PIBF1: variants seen among roughly 807,000 people sequenced by gnomAD.
PIBF1 encodes the protein progesterone-induced-blocking factor 1.
In PIBF1, 90 loss-of-function variants were observed where a neutral mutation model predicts 112.5. That is an observed-to-expected ratio of 0.80 (90% CI 0.67 to 0.95). The LOEUF is 0.95. Ranked by LOEUF, PIBF1 falls within the 40% of genes least tolerant of loss-of-function variation. The pLI is 0.00. For synonymous variants in PIBF1, 301 were observed against 288.6 expected (o/e 1.04, Z -0.44); for missense variants, 915 against 852.3 (o/e 1.07, Z -0.92).
chr13:72,790,170 G>A (rs1340507042), intron 2 of PIBF1, among the ~76,000 whole-genome samples: 2 of 152,052 alleles, frequency 1.3e-5, no homozygotes, highest in Non-Finnish European at 2.9e-5. Context: ...GCAAAGTTTA[G>A]CAGTTAAGAG....
intron 5 of PIBF1, among the ~76,000 whole-genome samples, chr13:72,811,148 C>T (rs1024730127): frequency 6.6e-6 from 1 of 152,184 alleles, no homozygotes; most frequent in African/African-American, 2.4e-5. Flanking sequence ...GCGTGAGCCA[C>T]CGCACCCAGC....
In PIBF1 at chr13:72,917,073, C is replaced by T. The variant is rs1367706121; in HGVS notation, c.1640-3C>T. ...TCACATTATACACTTTAATATTTTC[C>T]AGTTGAAAATGAAGATGAGGCTGAA... is the stretch of plus-strand genomic sequence containing the variant. On this transcript the variant is annotated splice_region_variant and splice_polypyrimidine_tract_variant and intron_variant, in intron 12 of 17. Coordinates refer to ENST00000326291, the MANE Select transcript of PIBF1 (RefSeq NM_006346.4). The T allele has an allele frequency of 3.2e-6, 5 of 1,550,144 alleles. No individual in the cohort carries two copies. The highest frequency in any genetic ancestry group is 1.2e-5 in the South Asian group (1 of 83,664).
intron 17 of PIBF1, among the ~76,000 whole-genome samples, chr13:73,000,112 A>G (rs1211666903): frequency 1.3e-5 from 2 of 152,232 alleles, no homozygotes; most frequent in Non-Finnish European, 2.9e-5. Context: ...GACTAAGCTG[A>G]CAGGCGGGAG....
At chr13:72,937,440 C>T (rs1179373044) in intron 14 of PIBF1, among the ~76,000 whole-genome samples, 1 of 152,110 alleles carries the variant, frequency 6.6e-6, no homozygotes, top group African/African-American at 2.4e-5. Flanking sequence ...TCTATTTGTT[C>T]CCCCAGCCTT....
chr13:72,795,456 G>A lies in PIBF1; in HGVS notation c.451G>A (p.Asp151Asn). 3.1e-6 allele frequency: 5 copies of A among 1,610,316 alleles called. No homozygotes were observed. The highest frequency in any genetic ancestry group is 4.2e-6 in the Non-Finnish European group (5 of 1,178,082). The change falls in exon 4 of 18, where the codon GAT becomes AAT. Residue 151 changes from aspartate (D) to asparagine (N), a missense_variant. Transcript: ENST00000326291. Reference protein sequence around the residue: ...TNLQLREKAGDVRRNLRDFEL... With the variant: ...TNLQLREKAGNVRRNLRDFEL... ...TCTTCAGCTAAGAGAAAAAGCTGGA[G>A]ATGTTCGTCGAAACCTGCGTGACTT...
intron 14 of PIBF1, among the ~76,000 whole-genome samples, chr13:72,958,103 G>T (rs1380408726): frequency 6.6e-6 from 1 of 151,860 alleles, no homozygotes; most frequent in Non-Finnish European, 1.5e-5. Flanking sequence ...CTGGGCAACA[G>T]AGTAAGACCT....
intron 5 of PIBF1, among the ~76,000 whole-genome samples, chr13:72,801,919 A>G (rs1193658538): frequency 1.3e-5 from 2 of 152,204 alleles, no homozygotes; most frequent in Non-Finnish European, 2.9e-5. Flanking sequence ...TTTTGGAGAG[A>G]CCATTAATTT....
At chr13:72,840,259 ACTT>A (rs2037547789) in intron 9 of PIBF1, among the ~76,000 whole-genome samples, 1 of 152,212 alleles carries the variant, frequency 6.6e-6, no homozygotes, top group Non-Finnish European at 1.5e-5. Context: ...ATTATAAATT[ACTT>A]CTTTTGAAAT....
At chr13:72,976,731 A>AC (rs2043031508) in intron 16 of PIBF1, among the ~76,000 whole-genome samples, 1 of 152,126 alleles carries the variant, frequency 6.6e-6, no homozygotes, top group Non-Finnish European at 1.5e-5. Context: ...AGCTGGTGTG[A>AC]CCCCCTAGAA....
intron 10 of PIBF1, among the ~76,000 whole-genome samples, chr13:72,865,641 T>C (rs1049530201): frequency 1.3e-5 from 2 of 152,208 alleles, no homozygotes; most frequent in Non-Finnish European, 2.9e-5. Flanking sequence ...ATTGCATTCA[T>C]TTTGCAAATG....
chr13:72,889,539 ATTAG>A (rs1002527025), intron 10 of PIBF1, among the ~76,000 whole-genome samples: 7 of 152,152 alleles, frequency 4.6e-5, no homozygotes, highest in Admixed American at 3.9e-4. Flanking sequence ...GTGCTTTGTT[ATTAG>A]TTAATTTGCC....
intron 16 of PIBF1, among the ~76,000 whole-genome samples, chr13:72,988,567 T>G (rs1027917111): frequency 3.3e-5 from 5 of 152,232 alleles, no homozygotes; most frequent in African/African-American, 1.2e-4. Context: ...ACATTATATT[T>G]GCTTTAATAG....
At chr13:72,876,896 A>T (rs562609044) in intron 10 of PIBF1, among the ~76,000 whole-genome samples, 1 of 152,082 alleles carries the variant, frequency 6.6e-6, no homozygotes, top group South Asian at 2.1e-4. Context: ...TTCCCAATCT[A>T]TATACTTTTT....
chr13:72,812,218 C>T (rs1293975196), intron 5 of PIBF1, among the ~76,000 whole-genome samples: 1 of 152,056 alleles, frequency 6.6e-6, no homozygotes, highest in African/African-American at 2.4e-5. Context: ...TGTTTCTAAG[C>T]CAGATTCCAC....
chr13:72,933,352 C>G (rs1199787234), intron 14 of PIBF1, among the ~76,000 whole-genome samples: 1 of 152,142 alleles, frequency 6.6e-6, no homozygotes, highest in Non-Finnish European at 1.5e-5. Context: ...GGCTACAAAG[C>G]AAGATCCACC....
At position 72,893,313 on chromosome 13, in the gene PIBF1, AT is replaced by A. The variant is rs141230560; in HGVS notation, c.1323-470del. On this transcript the variant is annotated intron_variant, in intron 10 of 17. Transcript: ENST00000326291. ...TTTTTTTCTTGTAATATCAAAATATATGTATATGTACTAAGTTTATTTTGCA... is the reference window on the plus strand; with the variant it reads ...TTTTTTTCTTGTAATATCAAAATATAGTATATGTACTAAGTTTATTTTGCA... 8.5e-3 allele frequency among the ~76,000 whole-genome samples: 1,295 copies of A among 152,192 alleles called. 64 individuals are homozygous for A. The highest frequency in any genetic ancestry group is 9.7e-3 in the East Asian group (50 of 5,178).
At chr13:72,792,182 GCTA>G (rs2034967423) in intron 2 of PIBF1, among the ~76,000 whole-genome samples, 1 of 151,978 alleles carries the variant, frequency 6.6e-6, no homozygotes, top group South Asian at 2.1e-4. Flanking sequence ...TGTAATCCCA[GCTA>G]CTCAGGAGGC....
intron 9 of PIBF1, among the ~76,000 whole-genome samples, chr13:72,851,197 A>G (rs1172208171): frequency 1.3e-5 from 2 of 152,102 alleles, no homozygotes; most frequent in Non-Finnish European, 2.9e-5. Flanking sequence ...TCCGAGTTGG[A>G]GGGGCGGGAG....
intron 5 of PIBF1, among the ~76,000 whole-genome samples, chr13:72,809,578 GTTTTTTTTTGGTTT>G (rs2035903244): frequency 7.2e-6 from 1 of 138,492 alleles, no homozygotes; most frequent in Non-Finnish European, 1.6e-5. Context: ...TTAATAGAAG[GTTTTTTTTTGGTTT>G]TTTTTTTTTT....
Sources: gnomAD v4.1 joint callset for allele counts (sites outside exome capture counted in the v4.1 genomes callset) on GRCh38, gnomAD v4.1.1 for gene constraint, MANE v1.5 for transcripts, NCBI Gene and HGNC (gene_info 2026-07-23, HGNC 2026-07-21) for gene names.